MCTP1: variants seen among roughly 807,000 people sequenced by gnomAD.
The protein encoded by MCTP1 is multiple C2 and transmembrane domain-containing protein 1.
A neutral mutation model predicts 120.6 loss-of-function variants in MCTP1; 69 were observed. The ratio of observed to expected loss-of-function variants is 0.57; its 90% confidence interval spans 0.47 to 0.70. The LOEUF (loss-of-function observed/expected upper bound fraction) is 0.70, where lower values mean the gene tolerates loss of function less well. Among genes scored for constraint, MCTP1 ranks in the 30% least tolerant of loss-of-function variants. The pLI is 0.00. For missense variants in MCTP1, 1,203 were observed against 1,248.8 expected (o/e 0.96, Z 0.55); for synonymous variants, 529 against 493.1 (o/e 1.07, Z -0.96).
chr5:95,168,795 G>A (rs951069204), intron 1 of MCTP1, among the ~76,000 whole-genome samples: 1 of 152,094 alleles, frequency 6.6e-6, no homozygotes, highest in Non-Finnish European at 1.5e-5. Flanking sequence ...AGGAGATTTT[G>A]GGCTGAGACA....
At chr5:95,108,680 T>A (rs972965896) in intron 1 of MCTP1, among the ~76,000 whole-genome samples, 1 of 152,244 alleles carries the variant, frequency 6.6e-6, no homozygotes, top group Non-Finnish European at 1.5e-5. Context: ...GCTAGACACC[T>A]TTGCGTTTTG....
At chr5:95,069,445 ATT>A (rs35164631) in intron 1 of MCTP1, among the ~76,000 whole-genome samples, 4 of 146,592 alleles carry the variant, frequency 2.7e-5, no homozygotes, top group African/African-American at 7.6e-5. Context: ...GGAGCATAGC[ATT>A]TTTTTTTTTT....
At chr5:94,787,413 T>G (rs1246267858) in intron 18 of MCTP1, among the ~76,000 whole-genome samples, 1 of 152,128 alleles carries the variant, frequency 6.6e-6, no homozygotes, top group Admixed American at 6.6e-5. Flanking sequence ...CAGGAAATCT[T>G]ACTGTGGCAA....
At chr5:95,144,804 T>C (rs914851327) in intron 1 of MCTP1, among the ~76,000 whole-genome samples, 1 of 152,210 alleles carries the variant, frequency 6.6e-6, no homozygotes, top group Non-Finnish European at 1.5e-5. Flanking sequence ...TTTTGGTTAC[T>C]ATAGCCTTGT....
intron 1 of MCTP1, among the ~76,000 whole-genome samples, chr5:95,210,775 G>T (rs998007070): frequency 6.6e-6 from 1 of 152,044 alleles, no homozygotes; most frequent in Non-Finnish European, 1.5e-5. Context: ...AGTCTCGATG[G>T]TCTCTACATT....
intron 1 of MCTP1, among the ~76,000 whole-genome samples, chr5:95,061,108 G>A (rs1469741851): frequency 2.0e-5 from 3 of 150,884 alleles, no homozygotes; most frequent in Non-Finnish European, 2.9e-5. Context: ...TGGTTGTGAT[G>A]GGGACATGCT....
intron 1 of MCTP1, among the ~76,000 whole-genome samples, chr5:95,208,225 G>C (rs1751900962): frequency 2.0e-5 from 3 of 152,118 alleles, no homozygotes; most frequent in South Asian, 4.1e-4. Context: ...TAGTAGCTGG[G>C]ATTACAGGTG....
chr5:95,178,466 A>G (rs112886406), intron 1 of MCTP1, among the ~76,000 whole-genome samples: 1,667 of 152,310 alleles, frequency 0.011, 32 homozygotes, highest in African/African-American at 0.039. Context: ...ACACTAAAGA[A>G]AAATACAAGC....
At chr5:94,997,128 A>G (rs1832773139) in intron 2 of MCTP1, among the ~76,000 whole-genome samples, 1 of 152,108 alleles carries the variant, frequency 6.6e-6, no homozygotes. Flanking sequence ...AGTTCCATGT[A>G]CTTCCTGCCC....
intron 1 of MCTP1, among the ~76,000 whole-genome samples, chr5:95,030,534 C>G (rs567135231): frequency 6.6e-6 from 1 of 152,272 alleles, no homozygotes; most frequent in South Asian, 2.1e-4. Flanking sequence ...TCTGAGAAAG[C>G]CACAGCATAG....
chr5:94,769,889 A>G (rs2152895032), intron 19 of MCTP1, among the ~76,000 whole-genome samples: 1 of 152,306 alleles, frequency 6.6e-6, no homozygotes, highest in Non-Finnish European at 1.5e-5. Flanking sequence ...CTGACATCAA[A>G]TGATGTCAAC....
At chr5:95,146,483 A>G (rs1322473882) in intron 1 of MCTP1, among the ~76,000 whole-genome samples, 1 of 152,166 alleles carries the variant, frequency 6.6e-6, no homozygotes, top group Non-Finnish European at 1.5e-5. Context: ...TGGGTAATTA[A>G]TTTGAAATCT....
At chr5:94,812,498 A>AC (rs1457223848) in intron 17 of MCTP1, among the ~76,000 whole-genome samples, 1 of 151,136 alleles carries the variant, frequency 6.6e-6, no homozygotes, top group South Asian at 2.1e-4. Flanking sequence ...AAACAAAACA[A>AC]AAAAAAAACC....
chr5:95,110,548 G>A (rs1400026692), intron 1 of MCTP1, among the ~76,000 whole-genome samples: 2 of 152,074 alleles, frequency 1.3e-5, no homozygotes, highest in African/African-American at 4.8e-5. Flanking sequence ...CCTTTATTAT[G>A]TTAAGCTCCT....
chr5:94,843,880 G>A lies in MCTP1; in HGVS notation c.2436+24453C>T, dbSNP rs563164399. The stretch of plus-strand genomic sequence containing the variant: ...ACTGATTTATTAGGTAGAGAGAAAG[G>A]TTGTGTTTTTGCAAAAATAATGTAG... On this transcript the variant is annotated intron_variant, in intron 17 of 22. Coordinates refer to ENST00000515393, the MANE Select transcript of MCTP1 (RefSeq NM_024717.7). Among the ~76,000 whole-genome samples the A allele has an allele frequency of 3.9e-5, 6 of 152,282 alleles. No individual in the cohort carries two copies. In the South Asian group the frequency reaches 1.2e-3, roughly 32 times the overall value.
At chr5:95,133,277 T>C (rs1050281754) in intron 1 of MCTP1, among the ~76,000 whole-genome samples, 4 of 152,246 alleles carry the variant, frequency 2.6e-5, no homozygotes, top group African/African-American at 7.2e-5. Context: ...GAATGATACA[T>C]ATACATTATG....
intron 18 of MCTP1, among the ~76,000 whole-genome samples, chr5:94,780,009 C>T (rs1191153888): frequency 6.6e-6 from 1 of 152,142 alleles, no homozygotes; most frequent in Non-Finnish European, 1.5e-5. Context: ...TTGTTTTCCA[C>T]ACTTCACAAA....
intron 1 of MCTP1, among the ~76,000 whole-genome samples, chr5:95,170,511 G>C (rs1459755190): frequency 6.6e-6 from 1 of 152,162 alleles, no homozygotes; most frequent in African/African-American, 2.4e-5. Context: ...ACAGTGGGGT[G>C]TTAAAGTCTC....
intron 7 of MCTP1, among the ~76,000 whole-genome samples, chr5:94,922,713 C>T (rs1230439935): frequency 6.6e-6 from 1 of 152,082 alleles, no homozygotes; most frequent in Non-Finnish European, 1.5e-5. Context: ...GTCTCCAACT[C>T]CTGACCTCAG....
Sources: allele counts gnomAD v4.1 joint callset (sites outside exome capture counted in the v4.1 genomes callset), GRCh38; gene constraint gnomAD v4.1.1; transcripts MANE v1.5; gene names NCBI Gene and HGNC (gene_info 2026-07-23, HGNC 2026-07-21).